ZNF843: variants seen among roughly 807,000 people sequenced by gnomAD.
ZNF843 encodes the protein zinc finger protein 843.
For synonymous variants in ZNF843, 185 were observed against 207.7 expected, an observed-to-expected ratio of 0.89 and a Z score of 0.94; for missense variants, 482 against 469.4, an observed-to-expected ratio of 1.03 and a Z score of -0.25.
rs1445587737 is a variant in ZNF843 at position 31,437,089 on chromosome 16, C to A, written c.-240G>T. The A allele has an allele frequency of 2.0e-6, 1 of 504,690 alleles. No individual in the cohort carries two copies. Among genetic ancestry groups the A allele is most frequent in the African/African-American group, 1.9e-5 (1 of 52,058 alleles). The allele number at this position is 504,690 out of a possible 1,614,324, so 31.3% of individuals were successfully genotyped here. On this transcript the variant is annotated 5_prime_UTR_variant, in exon 2 of 2. An upstream start codon of the reference 5' UTR is lost. Coordinates refer to ENST00000315678, the MANE Select transcript of ZNF843 (RefSeq NM_001136509.3). ...CTCGGGCATGTCCCTGGGTGTTCCC[C>A]ATCACTAAGTCCATCCTCTTGGATA...
intron 1 of ZNF843, among the ~76,000 whole-genome samples, chr16:31,437,770 G>A (rs1186242823): frequency 2.0e-5 from 3 of 151,484 alleles, no homozygotes; most frequent in Non-Finnish European, 2.9e-5. Context: ...GATTACAGGC[G>A]CCTGCCACCA....
At chr16:31,440,227 A>G (rs962644627) in intron 1 of ZNF843, among the ~76,000 whole-genome samples, 1 of 152,220 alleles carries the variant, frequency 6.6e-6, no homozygotes, top group African/African-American at 2.4e-5. Flanking sequence ...CTGAACTACT[A>G]TGCCACAATA....
Position 31,436,260 on chromosome 16 carries a change from C to G in ZNF843, c.590G>C (p.Arg197Pro). ...SVAPDSTSGLRPCGSPGSFLQ... is the reference protein window; with the variant it reads ...SVAPDSTSGLPPCGSPGSFLQ... ...GAAGGACCCGGGGCTCCCACAGGGC[C>G]GGAGCCCAGAGGTGCTGTCCGGGGC... Residue 197 changes from arginine to proline, a missense_variant, in exon 2 of 2, where the codon CGG becomes CCG. Coordinates refer to ENST00000315678, the MANE Select transcript of ZNF843 (RefSeq NM_001136509.3). 3 of 1,547,152 alleles carry G rather than the reference C, an allele frequency of 1.9e-6. No individual in the cohort carries two copies. The highest frequency in any genetic ancestry group is 2.6e-6 in the Non-Finnish European group (3 of 1,144,602).
chr16:31,436,337 C>G lies in ZNF843; in HGVS notation c.513G>C (p.Lys171Asn). ...SQRVLPHPGE[K>N]TCRGGSVESV... ...TCTCCACGCTCCCACCCCTGCAGGT[C>G]TTCTCCCCTGGGTGCGGAAGGACGC... Residue 171 changes from lysine (K) to asparagine (N), a missense_variant, in exon 2 of 2, where the codon AAG (lysine) becomes AAC (asparagine). By Grantham distance (94) the Lys-to-Asn change is moderately conservative. Coordinates refer to ENST00000315678, the MANE Select transcript of ZNF843 (RefSeq NM_001136509.3). 6.5e-7 allele frequency: 1 copy of G among 1,546,718 alleles called. No individual in the cohort carries two copies. Among genetic ancestry groups the G allele is most frequent in the African/African-American group, 1.4e-5 (1 of 73,148 alleles).
chr16:31,442,301 T>TTTTATTTATTTA lies in ZNF843; in HGVS notation c.-336+323_-336+334dup, dbSNP rs144027321. On this transcript the variant is annotated intron_variant, in intron 1 of 1. Transcript: ENST00000315678. ...GCCCGGGCTGCGGCCCTTCGCTCGA[T>TTTTATTTATTTA]TTTATTTATTTATTTATTTATTTAT... 2.8e-3 allele frequency among the ~76,000 whole-genome samples: 416 copies of TTTTATTTATTTA among 149,632 alleles called. 1 individual carries two copies. The highest frequency in any genetic ancestry group is 9.3e-3 in the African/African-American group (381 of 40,786).
At chr16:31,438,601 C>T (rs1259785730) in intron 1 of ZNF843, among the ~76,000 whole-genome samples, 2 of 152,144 alleles carry the variant, frequency 1.3e-5, no homozygotes, top group African/African-American at 2.4e-5. Context: ...CTTCACCTCT[C>T]AGCGGATACT....
In ZNF843 at chr16:31,437,040, C is replaced by A; in HGVS notation, c.-191G>T. ...TCTAATGTAAGACGCTGGGCAATGT[C>A]ATCTGAAGGTGTTTCTTGAGGCTCT... On this transcript the variant is annotated 5_prime_UTR_variant, in exon 2 of 2. It removes an upstream start codon present in the reference 5' UTR. Transcript: ENST00000315678. The A allele has an allele frequency of 1.7e-6, 1 of 587,232 alleles. No homozygotes were observed. The allele number at this position is 587,232 out of a possible 1,614,324, so 36.4% of individuals were successfully genotyped here. A position where few individuals can be genotyped will look rare whatever the true frequency, so the allele number is the denominator to read the frequency against.
At chr16:31,440,065 G>A (rs558131434) in intron 1 of ZNF843, among the ~76,000 whole-genome samples, 8 of 152,154 alleles carry the variant, frequency 5.3e-5, no homozygotes, top group Admixed American at 1.3e-4. Context: ...TATTCTAAGA[G>A]TTTCCACATA....
chr16:31,442,634 A>T lies in ZNF843; in HGVS notation c.-336+2T>A, dbSNP rs1490798247. ...GCGCCCGGCCCCTTCGCTCGCTCTTACCCGGTGAGGTCCCGTGCCCGCGTA... is the reference window on the plus strand; with the variant it reads ...GCGCCCGGCCCCTTCGCTCGCTCTTTCCCGGTGAGGTCCCGTGCCCGCGTA... On this transcript the variant is annotated splice_donor_variant, in intron 1 of 1. Transcript: ENST00000315678. LOFTEE classifies it low-confidence loss of function (5UTR_SPLICE). The T allele has an allele frequency of 6.6e-6, 1 of 151,902 alleles. No homozygotes were observed. The highest frequency in any genetic ancestry group is 1.5e-5 in the Non-Finnish European group (1 of 68,084). The allele number at this position is 151,902 out of a possible 1,614,324, so 9.4% of individuals were successfully genotyped here. A position where few individuals can be genotyped will look rare whatever the true frequency, so the allele number is the denominator to read the frequency against.
chr16:31,441,409 T>C (rs1175670635), intron 1 of ZNF843, among the ~76,000 whole-genome samples: 1 of 152,234 alleles, frequency 6.6e-6, no homozygotes, highest in East Asian at 1.9e-4. Context: ...TATCTGTTTA[T>C]CCTCAGTTAC....
At chr16:31,442,123 C>T (rs1053776983) in intron 1 of ZNF843, among the ~76,000 whole-genome samples, 4 of 152,168 alleles carry the variant, frequency 2.6e-5, no homozygotes, top group African/African-American at 9.7e-5. Flanking sequence ...GGAGGGTGGA[C>T]GGCCGGCCGC....
At position 31,437,188 on chromosome 16, in the gene ZNF843, G is replaced by C; in HGVS notation, c.-335-4C>G. On this transcript the variant is annotated splice_region_variant and splice_polypyrimidine_tract_variant and intron_variant, in intron 1 of 1. Transcript: ENST00000315678. ...GATCCCAGAGCCATCATTCTCTCTA[G>C]AGGGAGAGAAAACCACAGAAAAATT... The C allele has an allele frequency of 4.1e-6, 1 of 244,138 alleles. No homozygotes were observed. The highest frequency in any genetic ancestry group is 8.4e-6 in the Non-Finnish European group (1 of 118,718). The allele number at this position is 244,138 out of a possible 1,614,324, so 15.1% of individuals were successfully genotyped here. A position where few individuals can be genotyped will look rare whatever the true frequency, so the allele number is the denominator to read the frequency against.
Position 31,436,741 on chromosome 16 carries a change from C to T in ZNF843, c.109G>A (p.Ala37Thr). Residue 37 changes from alanine (A) to threonine (T), a missense_variant, in exon 2 of 2, where the codon GCC (alanine) becomes ACC (threonine). By Grantham distance (58) the Ala-to-Thr change is moderately conservative. Coordinates refer to ENST00000315678, the MANE Select transcript of ZNF843 (RefSeq NM_001136509.3). ...TQGRQPCKCK[A>T]CGRGFTQSAS... ...CTCTGAGTAAAACCCCTCCCGCAGG[C>T]CTTGCACTTGCAGGGCTGACGGCCC... The T allele has an allele frequency of 6.4e-7, 1 of 1,551,774 alleles. No individual in the cohort carries two copies. Among genetic ancestry groups the T allele is most frequent in the Non-Finnish European group, 8.7e-7 (1 of 1,147,032 alleles).
At chr16:31,440,941 A>C (rs1019961184) in intron 1 of ZNF843, among the ~76,000 whole-genome samples, 1 of 152,186 alleles carries the variant, frequency 6.6e-6, no homozygotes, top group East Asian at 1.9e-4. Context: ...ACTATCACTC[A>C]ACATTCTTCC....
Position 31,436,601 on chromosome 16 carries a change from A to C in ZNF843, c.249T>G (p.Ser83Arg). Residue 83 changes from serine to arginine, a missense_variant, in exon 2 of 2, where the codon AGT becomes AGG. By Grantham distance (110) the Ser-to-Arg change is moderately radical. Coordinates refer to ENST00000315678, the MANE Select transcript of ZNF843 (RefSeq NM_001136509.3). ...CAGACGAATGGCTTCTCCCGAGTGG[A>C]CTCGCTGGTGCTTGATGAGGTTGGA... The part of the protein sequence containing the change: ...WPLQPHQAPA[S>R]PLGRSHSSAG... 3.9e-6 allele frequency: 6 copies of C among 1,551,354 alleles called. No individual in the cohort carries two copies. Among genetic ancestry groups the C allele is most frequent in the Non-Finnish European group, 5.2e-6 (6 of 1,146,818 alleles).
chr16:31,439,330 C>T (rs2082193816), intron 1 of ZNF843, among the ~76,000 whole-genome samples: 1 of 152,288 alleles, frequency 6.6e-6, no homozygotes, highest in South Asian at 2.1e-4. Flanking sequence ...TTTTGGAAAC[C>T]AGTTTTGGTT....
intron 1 of ZNF843, 113 bp from the exon 2 acceptor site, chr16:31,437,297 C>CTTTTTTTTTTTTTTTTTTTTTT (rs59710664): frequency 1.2e-5 from 1 of 82,028 alleles, no homozygotes; most frequent in African/African-American, 5.0e-5. Flanking sequence ...TTCTTTCCTT[C>CTTTTTTTTTTTTTTTTTTTTTT]TTTTTTTTTT....
intron 1 of ZNF843, among the ~76,000 whole-genome samples, chr16:31,437,930 A>T (rs117382000): frequency 1.3e-5 from 2 of 152,148 alleles, no homozygotes; most frequent in Non-Finnish European, 2.9e-5. Context: ...ATGGCCAATC[A>T]ATGCTTCTTA....
intron 1 of ZNF843, among the ~76,000 whole-genome samples, chr16:31,440,383 G>A (rs896178230): frequency 8.5e-5 from 13 of 152,172 alleles, no homozygotes; most frequent in African/African-American, 3.1e-4. Flanking sequence ...TCATAGTTTA[G>A]ACACAGAGCA....
Sources: allele counts gnomAD v4.1 joint callset (sites outside exome capture counted in the v4.1 genomes callset), GRCh38; gene constraint gnomAD v4.1.1; transcripts MANE v1.5; gene names NCBI Gene and HGNC (gene_info 2026-07-23, HGNC 2026-07-21).